Variants in DNAH8 observed in about 807,000 individuals in gnomAD.
The protein encoded by DNAH8 is axonemal beta dynein heavy chain 8.
In DNAH8, 382 loss-of-function variants were observed where a neutral mutation model predicts 562.1. The observed-to-expected ratio is 0.68, with a 90% CI of 0.63 to 0.74. The LOEUF (loss-of-function observed/expected upper bound fraction) is 0.74, where lower values mean the gene tolerates loss of function less well. DNAH8 is among the 30% of genes least tolerant of loss of function. The probability of loss-of-function intolerance (pLI) is 0.00; values close to 1 mark genes in which losing one functional copy is unlikely to be tolerated. For missense variants in DNAH8, 5,203 were observed against 5,620.4 expected (o/e 0.93, Z 2.37); for synonymous variants, 1,881 against 1,919.4 (o/e 0.98, Z 0.52).
intron 1 of DNAH8, among the ~76,000 whole-genome samples, chr6:38,720,347 C>T (rs1251080974): frequency 6.6e-6 from 1 of 152,204 alleles, no homozygotes; most frequent in African/African-American, 2.4e-5. Context: ...GACACCAAAT[C>T]AGAGTTGCTG....
At chr6:38,858,075 C>T (rs1338832465) in intron 42 of DNAH8, among the ~76,000 whole-genome samples, 1 of 152,182 alleles carries the variant, frequency 6.6e-6, no homozygotes, top group South Asian at 2.1e-4. Context: ...CGGAATCAGG[C>T]TTCAGAGCAC....
At position 38,775,770 on chromosome 6, in the gene DNAH8, C is replaced by A; in HGVS notation, c.1781C>A (p.Thr594Asn). The change falls in exon 13 of 93, where the codon ACT becomes AAT. Residue 594 changes from threonine (T) to asparagine (N), a missense_variant. Thr to Asn is a moderately conservative substitution (Grantham distance 65, BLOSUM62 0). Transcript: ENST00000327475. ...CTTTTTAAGATTACAGAAATGATAA[C>A]TGTTGTGCAAACATATTCAACCTTG... ...KRLEKITEMITVVQTYSTLSN... is the reference protein window; with the variant it reads ...KRLEKITEMINVVQTYSTLSN... 6.3e-7 allele frequency: 1 copy of A among 1,590,458 alleles called. No homozygotes were observed. The highest frequency in any genetic ancestry group is 8.6e-7 in the Non-Finnish European group (1 of 1,162,054).
chr6:38,896,606 CA>C (rs1351874305), intron 60 of DNAH8, among the ~76,000 whole-genome samples: 1 of 146,598 alleles, frequency 6.8e-6, no homozygotes, highest in Non-Finnish European at 1.5e-5. Context: ...AACAAACAAA[CA>C]AAAAAACAAA....
At position 38,908,035 on chromosome 6, in the gene DNAH8, G is replaced by A. The variant is rs758647099; in HGVS notation, c.9428G>A (p.Arg3143His). ...TCAGTGATGAAGAGGGAGCTACCTC[G>A]CCATCCTCCTACCTTTGATAATTTG... is the stretch of plus-strand genomic sequence containing the variant. ...LISVMKRELP[R>H]HPPTFDNLYE... Residue 3143 changes from arginine (R) to histidine (H), a missense_variant, in exon 64 of 93, where the codon CGC (arginine) becomes CAC (histidine). This residue lies in a region of DNAH8 where 977 missense variants were observed against 1,061.8 expected (regional missense o/e 0.92). Coordinates refer to ENST00000327475, the MANE Select transcript of DNAH8 (RefSeq NM_001206927.2). The A allele has an allele frequency of 1.3e-5, 21 of 1,611,958 alleles. No individual in the cohort carries two copies. The highest frequency in any genetic ancestry group is 1.7e-5 in the Non-Finnish European group (20 of 1,178,970).
At chr6:38,936,436 C>T (rs1322430924) in intron 77 of DNAH8, 3 of 152,168 alleles carry the variant, frequency 2.0e-5, no homozygotes, top group Non-Finnish European at 1.5e-5. Flanking sequence ...AAAATAAAAT[C>T]AACAAACATA....
At chr6:39,008,650 A>G (rs1765960527) in intron 88 of DNAH8, among the ~76,000 whole-genome samples, 164 bp from the exon 89 acceptor site, 1 of 145,854 alleles carries the variant, frequency 6.9e-6, no homozygotes, top group African/African-American at 2.5e-5. Context: ...ATGGATCTCT[A>G]GTTTCTTTCA....
At chr6:38,930,549 G>A (rs1782478920) in intron 75 of DNAH8, among the ~76,000 whole-genome samples, 1 of 151,974 alleles carries the variant, frequency 6.6e-6, no homozygotes, top group Non-Finnish European at 1.5e-5. Context: ...TGAGTTTATA[G>A]GGAGAAAAAT....
intron 71 of DNAH8, among the ~76,000 whole-genome samples, chr6:38,922,132 G>T (rs1428635052): frequency 1.3e-5 from 2 of 151,682 alleles, no homozygotes; most frequent in Non-Finnish European, 2.9e-5. Context: ...GGTCACAGGG[G>T]ATATGATGGC....
intron 10 of DNAH8, among the ~76,000 whole-genome samples, chr6:38,756,602 G>A (rs967397713): frequency 2.6e-5 from 4 of 151,816 alleles, no homozygotes; most frequent in Non-Finnish European, 5.9e-5. Context: ...CATGTGCCAT[G>A]TTGGTGTGCT....
chr6:38,994,060 C>T (rs890531447), intron 88 of DNAH8, among the ~76,000 whole-genome samples: 1 of 125,318 alleles, frequency 8.0e-6, no homozygotes, highest in Non-Finnish European at 1.9e-5. Context: ...AGAATCTCAT[C>T]AACAGAGCGC....
In DNAH8 at chr6:38,923,158, G is replaced by A. The variant is rs868714336; in HGVS notation, c.10763G>A (p.Ser3588Asn). The change falls in exon 72 of 93, where the codon AGT becomes AAT. Residue 3588 changes from serine (S) to asparagine (N), a missense_variant. Ser to Asn is a conservative substitution (Grantham distance 46). Around this residue, in one of 6 missense-constraint regions of DNAH8, gnomAD observed 1,399 missense variants for 1,518.4 expected, o/e 0.92. Transcript: ENST00000327475. ...SGEKIRWTQQSKEFKAQINRL... is the reference protein window; with the variant it reads ...SGEKIRWTQQNKEFKAQINRL... Reference sequence around the variant, plus strand: ...GAAAAAATCCGGTGGACCCAGCAAAGTAAAGAATTCAAAGCTCAGATTAAT... The same window carrying A: ...GAAAAAATCCGGTGGACCCAGCAAAATAAAGAATTCAAAGCTCAGATTAAT... 6.2e-7 allele frequency: 1 copy of A among 1,613,688 alleles called. No individual in the cohort carries two copies. Among genetic ancestry groups the A allele is most frequent in the Non-Finnish European group, 8.5e-7 (1 of 1,179,778 alleles).
At chr6:38,905,155 G>T (rs894526749) in intron 62 of DNAH8, among the ~76,000 whole-genome samples, 3 of 152,130 alleles carry the variant, frequency 2.0e-5, no homozygotes, top group African/African-American at 7.2e-5. Context: ...TGGTTCCAGG[G>T]CTCATAGTCT....
At chr6:38,794,327 G>A (rs961391028) in intron 21 of DNAH8, among the ~76,000 whole-genome samples, 4 of 149,222 alleles carry the variant, frequency 2.7e-5, no homozygotes, top group African/African-American at 9.9e-5. Context: ...TTTTTTTTTG[G>A]TTATGAAAAA....
At chr6:38,818,893 C>T (rs957079739) in intron 26 of DNAH8, among the ~76,000 whole-genome samples, 4 of 152,194 alleles carry the variant, frequency 2.6e-5, no homozygotes, top group Non-Finnish European at 4.4e-5. Context: ...AAGCGTTCTG[C>T]CTTGACCAAC....
chr6:38,901,263 A>G (rs183977392), intron 62 of DNAH8, among the ~76,000 whole-genome samples: 1 of 152,196 alleles, frequency 6.6e-6, no homozygotes, highest in East Asian at 1.9e-4. Context: ...GTTTACCCTA[A>G]GGGCACATAG....
chr6:38,765,694 T>C (rs1766919468), intron 11 of DNAH8, among the ~76,000 whole-genome samples: 1 of 152,224 alleles, frequency 6.6e-6, no homozygotes, highest in South Asian at 2.1e-4. Flanking sequence ...TTGATTACTA[T>C]AGCTTGGTAG....
intron 82 of DNAH8, among the ~76,000 whole-genome samples, chr6:38,963,680 CTTT>C (rs778971367): frequency 9.9e-5 from 6 of 60,566 alleles, no homozygotes; most frequent in African/African-American, 4.5e-4. Flanking sequence ...AAAGTCCATT[CTTT>C]TTTTTTTTTT....
intron 8 of DNAH8, among the ~76,000 whole-genome samples, chr6:38,749,370 CAG>C (rs1199419054): frequency 6.6e-6 from 1 of 151,790 alleles, no homozygotes; most frequent in African/African-American, 2.4e-5. Context: ...TGGAGCCTGT[CAG>C]GGGGTCAGCG....
intron 60 of DNAH8, 46 bp from the exon 61 acceptor site, chr6:38,898,212 A>G: frequency 6.6e-7 from 1 of 1,518,872 alleles, no homozygotes; most frequent in Non-Finnish European, 8.9e-7. Context: ...TTTAATACAT[A>G]CTTGGATCTT....
Sources: allele counts gnomAD v4.1 joint callset (sites outside exome capture counted in the v4.1 genomes callset), GRCh38; gene constraint gnomAD v4.1.1; regional missense constraint gnomAD v4.1.1; transcripts MANE v1.5; gene names NCBI Gene and HGNC (gene_info 2026-07-23, HGNC 2026-07-21).